The following NBPF11 variants were observed in gnomAD, a reference collection of about 807,000 sequenced individuals.
NBPF11 encodes the protein NBPF family member NBPF11.
In NBPF11, 72 loss-of-function variants were observed where a neutral mutation model predicts 93.9. That is an observed-to-expected ratio of 0.77 (90% CI 0.63 to 0.93). The LOEUF is 0.93. NBPF11 is among the 40% of genes least tolerant of loss of function. The probability of loss-of-function intolerance (pLI) is 0.00; values close to 1 mark genes in which losing one functional copy is unlikely to be tolerated. For synonymous variants in NBPF11, 224 were observed against 304.9 expected (o/e 0.73, Z 2.76); for missense variants, 705 against 802.2 (o/e 0.88, Z 1.46).
intron 5 of NBPF11, among the ~76,000 whole-genome samples, chr1:148,126,617 T>G (rs2149251471): frequency 6.6e-6 from 1 of 151,928 alleles, no homozygotes; most frequent in South Asian, 2.1e-4. Flanking sequence ...AATCAATAAC[T>G]GTGAGTTTAA....
chr1:148,141,539 T>G (rs1226619347), intron 2 of NBPF11, among the ~76,000 whole-genome samples: 4 of 152,024 alleles, frequency 2.6e-5, no homozygotes, highest in Admixed American at 6.5e-5. Flanking sequence ...CTGTTATTGT[T>G]TGGTTAGTAC....
At chr1:148,150,248 C>A (rs1174140530) in intron 1 of NBPF11, among the ~76,000 whole-genome samples, 4 of 145,418 alleles carry the variant, frequency 2.8e-5, no homozygotes, top group Non-Finnish European at 4.5e-5. Flanking sequence ...ACCTCCCAGG[C>A]TCTGTTGACC....
At chr1:148,137,964 T>A (rs1671599143) in intron 2 of NBPF11, among the ~76,000 whole-genome samples, 155 bp from the exon 3 acceptor site, 1 of 149,248 alleles carries the variant, frequency 6.7e-6, no homozygotes, top group Non-Finnish European at 1.5e-5. Context: ...GCGTTCAGCA[T>A]ACGGAGGACC....
At chr1:148,113,189 G>T (rs1461920021) in intron 15 of NBPF11, among the ~76,000 whole-genome samples, 2 of 152,004 alleles carry the variant, frequency 1.3e-5, no homozygotes, top group African/African-American at 2.4e-5. Context: ...TGGATAAAGA[G>T]TCAAGACCCA....
rs1310718980 is a variant in NBPF11, at chr1:148,134,929, T to G, written c.-36+743A>C. Reference sequence around the variant, plus strand: ...CCACAAGCCTCAACCATGCTTTGCTTCTGCAAGATGCTTCTTCACCTTTTC... The same window carrying G: ...CCACAAGCCTCAACCATGCTTTGCTGCTGCAAGATGCTTCTTCACCTTTTC... On this transcript the variant is annotated intron_variant, in intron 4 of 23. Coordinates refer to ENST00000682118, the MANE Select transcript of NBPF11 (RefSeq NM_001385469.3). 7.9e-5 allele frequency among the ~76,000 whole-genome samples: 12 copies of G among 151,918 alleles called. 1 individual carries two copies. Among genetic ancestry groups the G allele is most frequent in the African/African-American group, 1.9e-4 (8 of 41,186 alleles).
chr1:148,127,080 G>C, intron 4 of NBPF11, 42 bp from the exon 5 acceptor site: 1 of 511,152 alleles, frequency 2.0e-6, no homozygotes, highest in Non-Finnish European at 3.3e-6. Context: ...TTAAAAACTG[G>C]TGAAATCAAA....
At chr1:148,150,796 C>A (rs1436562262) in intron 1 of NBPF11, among the ~76,000 whole-genome samples, 1 of 150,486 alleles carries the variant, frequency 6.6e-6, no homozygotes. Context: ...CAAGATATCT[C>A]CGCTCACTGC....
At chr1:148,119,768 G>C (rs1667404534) in intron 10 of NBPF11, among the ~76,000 whole-genome samples, 1 of 151,830 alleles carries the variant, frequency 6.6e-6, no homozygotes, top group African/African-American at 2.4e-5. Flanking sequence ...GGATTCTACT[G>C]CCTCAGCCTC....
intron 7 of NBPF11, among the ~76,000 whole-genome samples, 156 bp from the exon 8 acceptor site, chr1:148,122,957 TC>T (rs1316453433): frequency 3.6e-5 from 5 of 137,168 alleles, no homozygotes; most frequent in Admixed American, 2.1e-4. Flanking sequence ...TGGCATGGTT[TC>T]CTGGTCCATC....
chr1:148,136,846 C>T (rs1175068653), intron 3 of NBPF11, among the ~76,000 whole-genome samples: 13 of 151,934 alleles, frequency 8.6e-5, no homozygotes, highest in African/African-American at 3.2e-4. Flanking sequence ...TGGACACTCT[C>T]GGAAGCCTCA....
rs1200011193 is a variant in NBPF11 at position 148,119,681 on chromosome 1, A to G, written c.988+820T>C. ...TTTATCATTATTATTTTTTTTTAAC[A>G]GTCTTGCCCTGTCACCCAGGCTGGA... is the stretch of plus-strand genomic sequence containing the variant. On this transcript the variant is annotated intron_variant, in intron 10 of 23. Transcript: ENST00000682118. Among the ~76,000 whole-genome samples, 46 of 151,728 alleles carry G rather than the reference A, an allele frequency of 3.0e-4. 1 individual carries two copies. Among genetic ancestry groups the G allele is most frequent in the African/African-American group, 9.2e-4 (38 of 41,138 alleles).
chr1:148,135,956 T>G, intron 3 of NBPF11, 143 bp from the exon 4 acceptor site: 1 of 646,848 alleles, frequency 1.5e-6, no homozygotes, highest in East Asian at 2.8e-5. Context: ...ATTCTTTACA[T>G]GATTAAACTC....
At position 148,143,245 on chromosome 1, in the gene NBPF11, C is replaced by G. The variant is rs4098506; in HGVS notation, c.-277+170G>C. On this transcript the variant is annotated intron_variant, in intron 2 of 23. Coordinates refer to ENST00000682118, the MANE Select transcript of NBPF11 (RefSeq NM_001385469.3). The stretch of plus-strand genomic sequence containing the variant: ...GGCACTGCAAGTCCAGGGCGGCACA[C>G]GCTGTGAATATTTGTTCATTCATTT... Among the ~76,000 whole-genome samples the G allele has an allele frequency of 3.9e-4, 59 of 151,874 alleles. 1 individual carries two copies. The highest frequency in any genetic ancestry group is 7.1e-4 in the Non-Finnish European group (48 of 68,034).
chr1:148,140,479 A>G (rs1329529304), intron 2 of NBPF11, among the ~76,000 whole-genome samples: 29 of 151,406 alleles, frequency 1.9e-4, no homozygotes, highest in African/African-American at 6.8e-4. Flanking sequence ...GAGAATGGAA[A>G]AAGCAAGTCA....
chr1:148,106,301 T>G lies in NBPF11; in HGVS notation c.2252-69A>C, dbSNP rs1182421191. ...CCTACACCCATAACAGTCCACTGTC[T>G]AATCCCCACACAGGGATCTCAGGCT... On this transcript the variant is annotated intron_variant, in intron 20 of 23. Coordinates refer to ENST00000682118, the MANE Select transcript of NBPF11 (RefSeq NM_001385469.3). 671 of 652,712 alleles carry G rather than the reference T, an allele frequency of 1.0e-3. 9 individuals are homozygous for G. In the East Asian group the frequency reaches 0.016, roughly 16 times the overall value. The allele number at this position is 652,712 out of a possible 1,614,324, so 40.4% of individuals were successfully genotyped here.
At chr1:148,106,712 C>G (rs1367872967) in intron 20 of NBPF11, among the ~76,000 whole-genome samples, 1 of 148,666 alleles carries the variant, frequency 6.7e-6, no homozygotes, top group East Asian at 2.0e-4. Flanking sequence ...AGAGTGGGCT[C>G]AGGTTGCCAT....
At chr1:148,108,273 C>T (rs1428783770) in intron 18 of NBPF11, among the ~76,000 whole-genome samples, 2 of 151,932 alleles carry the variant, frequency 1.3e-5, no homozygotes, top group East Asian at 3.9e-4. Flanking sequence ...ACAGGCATGG[C>T]CTGAGACTAG....
intron 1 of NBPF11, among the ~76,000 whole-genome samples, chr1:148,145,731 C>T (rs1310490271): frequency 6.6e-6 from 1 of 150,976 alleles, no homozygotes; most frequent in Non-Finnish European, 1.5e-5. Context: ...ATACAAAAAA[C>T]AGCTGAGCAT....
At chr1:148,108,842 G>GACACACACACACACACAC (rs71270029) in intron 17 of NBPF11, among the ~76,000 whole-genome samples, 188 bp from the exon 18 acceptor site, 20 of 112,810 alleles carry the variant, frequency 1.8e-4, no homozygotes, top group East Asian at 8.4e-4. Flanking sequence ...GAAAGAGAAA[G>GACACACACACACACACAC]ACACACACAC....
Sources: gnomAD v4.1 joint callset for allele counts (sites outside exome capture counted in the v4.1 genomes callset) on GRCh38, gnomAD v4.1.1 for gene constraint, MANE v1.5 for transcripts, NCBI Gene and HGNC (gene_info 2026-07-23, HGNC 2026-07-21) for gene names.